The following ATP8A2 variants were observed in gnomAD, a reference collection of about 807,000 sequenced individuals.
The protein encoded by ATP8A2 is phospholipid-transporting ATPase IB.
In ATP8A2, 100 loss-of-function variants were observed where a neutral mutation model predicts 165.6. The ratio of observed to expected loss-of-function variants is 0.60; its 90% CI spans 0.51 to 0.71. The LOEUF is 0.71. Among genes scored for constraint, ATP8A2 ranks in the 30% least tolerant of loss-of-function variants. The probability of loss-of-function intolerance (pLI) is 0.00; values close to 1 mark genes in which losing one functional copy is unlikely to be tolerated. For synonymous variants in ATP8A2, 543 were observed against 548.8 expected (o/e 0.99, Z 0.15); for missense variants, 1,227 against 1,479.5 (o/e 0.83, Z 2.80).
intron 2 of ATP8A2, among the ~76,000 whole-genome samples, chr13:25,505,630 A>C (rs2037012185): frequency 6.6e-6 from 1 of 152,310 alleles, no homozygotes; most frequent in East Asian, 1.9e-4. Context: ...CTGTATCCAG[A>C]AAGACGTACA....
chr13:25,753,671 G>C (rs1384389712), intron 25 of ATP8A2, among the ~76,000 whole-genome samples: 1 of 152,164 alleles, frequency 6.6e-6, no homozygotes, highest in Non-Finnish European at 1.5e-5. Flanking sequence ...TCCTTTCCCA[G>C]CTTCTCTCTT....
intron 27 of ATP8A2, among the ~76,000 whole-genome samples, chr13:25,797,903 G>A (rs1486417786): frequency 7.2e-5 from 11 of 152,098 alleles, no homozygotes; most frequent in South Asian, 6.2e-4. Context: ...AGTTGATTCC[G>A]TTTGGACTGT....
chr13:25,469,504 C>G (rs144218413), intron 2 of ATP8A2, among the ~76,000 whole-genome samples: 18 of 152,144 alleles, frequency 1.2e-4, no homozygotes, highest in Non-Finnish European at 2.2e-4. Flanking sequence ...TTAGACCATA[C>G]TATGGGGGAC....
intron 2 of ATP8A2, among the ~76,000 whole-genome samples, chr13:25,494,271 A>T (rs1365772822): frequency 6.6e-6 from 1 of 152,188 alleles, no homozygotes; most frequent in Non-Finnish European, 1.5e-5. Flanking sequence ...GTGATTAAAA[A>T]AATTACAAGG....
intron 2 of ATP8A2, among the ~76,000 whole-genome samples, chr13:25,492,806 G>A (rs549228559): frequency 6.6e-6 from 1 of 152,142 alleles, no homozygotes; most frequent in Non-Finnish European, 1.5e-5. Context: ...AGTGACCGCA[G>A]CCCCTGCTGT....
At position 25,986,604 on chromosome 13, in the gene ATP8A2, T is replaced by C. The variant is rs139592423; in HGVS notation, c.3377+17925T>C. Among the ~76,000 whole-genome samples, 971 of 152,370 alleles carry C rather than the reference T, an allele frequency of 6.4e-3. 5 individuals carry two copies. Among genetic ancestry groups the C allele is most frequent in the Middle Eastern group, 0.027 (8 of 294 alleles). On this transcript the variant is annotated intron_variant, in intron 35 of 36. Transcript: ENST00000381655. ...ACCACATTTTCTTTATTCATTCCTC[T>C]GTTGATGGACACGTAGGTTGATTCC...
intron 24 of ATP8A2, among the ~76,000 whole-genome samples, chr13:25,636,527 G>A (rs1372475210): frequency 1.3e-5 from 2 of 151,918 alleles, no homozygotes; most frequent in Non-Finnish European, 2.9e-5. Flanking sequence ...TAGTATTCCC[G>A]GAAATATCAT....
At chr13:25,968,543 C>A in intron 34 of ATP8A2, 32 bp from the exon 35 acceptor site, 1 of 1,583,666 alleles carries the variant, frequency 6.3e-7, no homozygotes, top group Non-Finnish European at 8.6e-7. Context: ...GTCTCTATGC[C>A]ATGTTCGTTT....
intron 26 of ATP8A2, among the ~76,000 whole-genome samples, chr13:25,772,674 T>G (rs969462804): frequency 2.6e-5 from 4 of 152,010 alleles, no homozygotes; most frequent in African/African-American, 9.7e-5. Flanking sequence ...AATTTTTTGT[T>G]TAAGTATTGT....
At chr13:25,680,035 G>C (rs2042451682) in intron 24 of ATP8A2, among the ~76,000 whole-genome samples, 12 of 152,012 alleles carry the variant, frequency 7.9e-5, no homozygotes, top group Admixed American at 7.9e-4. Context: ...ATTAAAGTGG[G>C]GGCAGAAATT....
At position 25,372,326 on chromosome 13, in the gene ATP8A2, G is replaced by GGCGA. The variant is rs775991185; in HGVS notation, c.76+39_76+40insCGAG. 1.4e-6 allele frequency: 2 copies of GGCGA among 1,393,758 alleles called. No homozygotes were observed. The highest frequency in any genetic ancestry group is 1.4e-5 in the South Asian group (1 of 71,130). 86.3% of individuals were successfully genotyped at this position (1,393,758 alleles called of 1,614,324 possible). On this transcript the variant is annotated intron_variant, in intron 1 of 36. Transcript: ENST00000381655. The surrounding 1 kb of genome is among the most constrained non-coding windows in gnomAD (Gnocchi z 4.8). Reference sequence around the variant, plus strand: ...GGGCGCGGCGAGGGAGGGTGGGCCCGGGGCGGGGGCGGCGCGGGGCGCGCC... The same window carrying GGCGA: ...GGGCGCGGCGAGGGAGGGTGGGCCCGGCGAGGGCGGGGGCGGCGCGGGGCGCGCC...
intron 27 of ATP8A2, among the ~76,000 whole-genome samples, chr13:25,817,841 C>T (rs1593394609): frequency 6.6e-6 from 1 of 152,046 alleles, no homozygotes; most frequent in South Asian, 2.1e-4. Flanking sequence ...CCATGTCCAG[C>T]TAATTTTTGA....
At chr13:25,788,772 A>G (rs1038927767) in intron 27 of ATP8A2, among the ~76,000 whole-genome samples, 15 of 152,208 alleles carry the variant, frequency 9.9e-5, no homozygotes, top group Non-Finnish European at 1.9e-4. Context: ...CTGTTTGTGC[A>G]TTCAGAATAA....
Position 25,977,806 on chromosome 13 carries a change from T to C in ATP8A2, c.3377+9127T>C, listed in dbSNP as rs77231243. On this transcript the variant is annotated intron_variant, in intron 35 of 36. Transcript: ENST00000381655. ...CTTAGCTACTTGCCCAGTGCTGCGA[T>C]GAAGAAGTGCAGCATCTTTAGAAAA... Among the ~76,000 whole-genome samples, 1,106 of 152,336 alleles carry C rather than the reference T, an allele frequency of 7.3e-3. 6 individuals are homozygous for C. The highest frequency in any genetic ancestry group is 0.031 in the Middle Eastern group (9 of 294).
chr13:25,493,418 C>T (rs2036583132), intron 2 of ATP8A2, among the ~76,000 whole-genome samples: 1 of 152,076 alleles, frequency 6.6e-6, no homozygotes, highest in Non-Finnish European at 1.5e-5. Flanking sequence ...GGCGCTTAAA[C>T]CATTTGTTGG....
intron 1 of ATP8A2, among the ~76,000 whole-genome samples, chr13:25,379,869 T>A (rs1278053559): frequency 6.6e-6 from 1 of 152,200 alleles, no homozygotes; most frequent in African/African-American, 2.4e-5. Context: ...TAAGTTCATT[T>A]TCCTGTTGCC....
Position 25,862,298 on chromosome 13 carries a change from C to A in ATP8A2, c.3076-3C>A, listed in dbSNP as rs1347313035. 9 of 1,612,420 alleles carry A rather than the reference C, an allele frequency of 5.6e-6. No individual in the cohort carries two copies. The highest frequency in any genetic ancestry group is 7.6e-6 in the Non-Finnish European group (9 of 1,178,524). On this transcript the variant is annotated splice_polypyrimidine_tract_variant and splice_region_variant and intron_variant, in intron 32 of 36. Coordinates refer to ENST00000381655, the MANE Select transcript of ATP8A2 (RefSeq NM_016529.6). ...CTGTCTGAGTGTCTATTTCCCTCTG[C>A]AGTTCAGTCATCTGGCTGTCTGGGG...
intron 26 of ATP8A2, among the ~76,000 whole-genome samples, chr13:25,770,568 C>T (rs1159714101): frequency 1.3e-5 from 2 of 152,190 alleles, no homozygotes; most frequent in Non-Finnish European, 2.9e-5. Context: ...GTCTCCCTCA[C>T]AGCCGGCTCT....
intron 15 of ATP8A2, among the ~76,000 whole-genome samples, chr13:25,562,556 T>C (rs931780556): frequency 1.3e-5 from 2 of 152,230 alleles, no homozygotes; most frequent in Admixed American, 6.5e-5. Flanking sequence ...GGGTCTTTCT[T>C]GTCAGCTGTT....
Sources: gnomAD v4.1 joint callset for allele counts (sites outside exome capture counted in the v4.1 genomes callset) on GRCh38, gnomAD v4.1.1 for gene constraint, Gnocchi (gnomAD v3.1) non-coding constraint, MANE v1.5 for transcripts, NCBI Gene and HGNC (gene_info 2026-07-23, HGNC 2026-07-21) for gene names.